The following VPS13B variants were observed in gnomAD, a reference collection of about 807,000 sequenced individuals.
VPS13B encodes intermembrane lipid transfer protein VPS13B.
Under a neutral mutation model 426.4 loss-of-function variants are expected in VPS13B, and 285 were observed. That is an observed-to-expected ratio of 0.67 (90% CI 0.61 to 0.74). The LOEUF is 0.74. VPS13B is among the 30% of genes least tolerant of loss of function. VPS13B has a pLI of 0.00. For missense variants in VPS13B, 4,537 were observed against 4,782.6 expected (o/e 0.95, Z 1.51); for synonymous variants, 1,676 against 1,676.4 (o/e 1.00, Z 0.01).
chr8:99,411,121 T>C (rs1333304497), intron 21 of VPS13B, among the ~76,000 whole-genome samples: 1 of 152,214 alleles, frequency 6.6e-6, no homozygotes, highest in African/African-American at 2.4e-5. Flanking sequence ...TGGTTCTAGA[T>C]CCTTGAGGAA....
chr8:99,058,204 A>G (rs1352023823), intron 3 of VPS13B, among the ~76,000 whole-genome samples: 1 of 152,066 alleles, frequency 6.6e-6, no homozygotes, highest in African/African-American at 2.4e-5. Context: ...GAGGTTATGT[A>G]TGGCACTGGA....
intron 25 of VPS13B, among the ~76,000 whole-genome samples, chr8:99,494,261 A>G (rs753341402): frequency 1.3e-5 from 2 of 152,056 alleles, no homozygotes; most frequent in Non-Finnish European, 2.9e-5. Context: ...GTATTTTTTC[A>G]TCTTCCCCAA....
At chr8:99,361,766 C>T (rs985609533) in intron 19 of VPS13B, among the ~76,000 whole-genome samples, 1 of 152,108 alleles carries the variant, frequency 6.6e-6, no homozygotes, top group Non-Finnish European at 1.5e-5. Context: ...AAGCTGAAGG[C>T]AGAACTATTT....
intron 3 of VPS13B, among the ~76,000 whole-genome samples, chr8:99,074,935 C>G (rs575281286): frequency 6.6e-6 from 1 of 152,228 alleles, no homozygotes; most frequent in East Asian, 1.9e-4. Flanking sequence ...CCACTCCTGG[C>G]CTGCAGTTTT....
chr8:99,721,704 T>C (rs1833141495), intron 39 of VPS13B, among the ~76,000 whole-genome samples: 1 of 152,162 alleles, frequency 6.6e-6, no homozygotes, highest in South Asian at 2.1e-4. Context: ...AACCATCCAC[T>C]CAAAATCTAC....
intron 33 of VPS13B, among the ~76,000 whole-genome samples, chr8:99,608,648 C>G (rs1405892433): frequency 6.6e-6 from 1 of 152,010 alleles, no homozygotes; most frequent in Non-Finnish European, 1.5e-5. Flanking sequence ...CATAACTACC[C>G]CCAATTTCCC....
At chr8:99,245,623 C>G (rs186799368) in intron 17 of VPS13B, among the ~76,000 whole-genome samples, 20 of 152,286 alleles carry the variant, frequency 1.3e-4, no homozygotes, top group African/African-American at 4.6e-4. Context: ...TACAGTGGTG[C>G]GATCTTGGCT....
chr8:99,594,175 G>A (rs1249401206), intron 33 of VPS13B, among the ~76,000 whole-genome samples: 1 of 152,000 alleles, frequency 6.6e-6, no homozygotes, highest in South Asian at 2.1e-4. Context: ...TTTTTCTCAG[G>A]ATATGAGTCT....
intron 33 of VPS13B, among the ~76,000 whole-genome samples, chr8:99,592,812 G>A (rs1461656894): frequency 1.3e-5 from 2 of 152,086 alleles, no homozygotes; most frequent in African/African-American, 4.8e-5. Flanking sequence ...AAGCAATAGG[G>A]AAAGGACTCT....
At chr8:99,403,082 T>C (rs1815128411) in intron 21 of VPS13B, among the ~76,000 whole-genome samples, 2 of 152,344 alleles carry the variant, frequency 1.3e-5, no homozygotes, top group Admixed American at 1.3e-4. Flanking sequence ...ACCAAAACGG[T>C]AAAGGCAAAG....
chr8:99,782,600 A>C (rs1465206540), intron 42 of VPS13B, among the ~76,000 whole-genome samples: 1 of 151,766 alleles, frequency 6.6e-6, no homozygotes, highest in East Asian at 2.0e-4. Context: ...AAGCAGAGGG[A>C]AGGCTCTGAG....
chr8:99,339,717 A>G (rs931176121), intron 19 of VPS13B, among the ~76,000 whole-genome samples: 15 of 152,148 alleles, frequency 9.9e-5, no homozygotes, highest in African/African-American at 3.6e-4. Flanking sequence ...AGTATGCTGT[A>G]AAATCTCAAA....
intron 33 of VPS13B, among the ~76,000 whole-genome samples, chr8:99,622,040 C>G (rs1360234695): frequency 2.0e-5 from 3 of 151,860 alleles, no homozygotes; most frequent in African/African-American, 7.3e-5. Flanking sequence ...CCATGTTGGT[C>G]AGGCTGGTCT....
chr8:99,056,804 T>C (rs1843900588), intron 3 of VPS13B, among the ~76,000 whole-genome samples: 1 of 152,216 alleles, frequency 6.6e-6, no homozygotes, highest in African/African-American at 2.4e-5. Flanking sequence ...AACATGTAGA[T>C]GAATTTCACA....
At chr8:99,213,177 T>G (rs1195805933) in intron 17 of VPS13B, among the ~76,000 whole-genome samples, 2 of 152,174 alleles carry the variant, frequency 1.3e-5, no homozygotes, top group African/African-American at 2.4e-5. Flanking sequence ...CACTCTTTAT[T>G]GTAGTTACTT....
chr8:99,867,668 ATG>A (rs995433809), intron 58 of VPS13B, among the ~76,000 whole-genome samples: 8 of 152,212 alleles, frequency 5.3e-5, no homozygotes, highest in African/African-American at 9.7e-5. Flanking sequence ...GATAAAAACA[ATG>A]TATGACTCCT....
chr8:99,366,595 T>C (rs1812907134), intron 19 of VPS13B, among the ~76,000 whole-genome samples: 1 of 151,834 alleles, frequency 6.6e-6, no homozygotes, highest in African/African-American at 2.4e-5. Flanking sequence ...TCCATTTATA[T>C]TCAGTGTTAT....
At chr8:99,581,236 C>A (rs1459877582) in intron 33 of VPS13B, among the ~76,000 whole-genome samples, 1 of 151,700 alleles carries the variant, frequency 6.6e-6, no homozygotes, top group Non-Finnish European at 1.5e-5. Context: ...GAGGAAACAT[C>A]TATTCAATAA....
intron 51 of VPS13B, among the ~76,000 whole-genome samples, chr8:99,827,986 T>C (rs1814795586): frequency 6.6e-6 from 1 of 152,206 alleles, no homozygotes; most frequent in South Asian, 2.1e-4. Flanking sequence ...TTGAGTGTTT[T>C]ACTTCCAATT....
Sources: allele counts gnomAD v4.1 joint callset (sites outside exome capture counted in the v4.1 genomes callset), GRCh38; gene constraint gnomAD v4.1.1; transcripts MANE v1.5; gene names NCBI Gene and HGNC (gene_info 2026-07-23, HGNC 2026-07-21).